Variants in OCA2 observed in about 807,000 individuals in gnomAD.
OCA2 encodes the protein P protein.
In OCA2, 77 loss-of-function variants were observed where a neutral mutation model predicts 100.2. The ratio of observed to expected loss-of-function variants is 0.77; its 90% CI spans 0.64 to 0.93. OCA2 has a LOEUF of 0.93. Ranked by LOEUF, OCA2 falls within the 40% of genes least tolerant of loss-of-function variation. The pLI is 0.00. For missense variants in OCA2, 1,062 were observed against 1,089.1 expected (o/e 0.98, Z 0.35); for synonymous variants, 432 against 439.2 (o/e 0.98, Z 0.21).
At chr15:27,782,496 G>A (rs2032595076) in intron 23 of OCA2, among the ~76,000 whole-genome samples, 1 of 152,184 alleles carries the variant, frequency 6.6e-6, no homozygotes, top group African/African-American at 2.4e-5. Flanking sequence ...CACATAAAAG[G>A]TGACATTTCT....
chr15:28,091,765 G>T (rs928333069), intron 1 of OCA2, among the ~76,000 whole-genome samples: 2 of 152,118 alleles, frequency 1.3e-5, no homozygotes, highest in Non-Finnish European at 2.9e-5. Context: ...AGACCAGCCT[G>T]GCCAACACGG....
Position 28,066,566 on chromosome 15 carries a change from T to C in OCA2, c.227+15082A>G, listed in dbSNP as rs550826875. On this transcript the variant is annotated intron_variant, in intron 2 of 23. Transcript: ENST00000354638. ...ATACCAAATTCCAACCTCACCCTAA[T>C]ATAGCATCACATGACAGACAGCAGA... 3.9e-5 allele frequency among the ~76,000 whole-genome samples: 6 copies of C among 152,278 alleles called. No individual in the cohort carries two copies. The South Asian group carries it at 1.2e-3, about 32-fold the overall frequency.
intron 19 of OCA2, among the ~76,000 whole-genome samples, chr15:27,922,497 A>G (rs2038893631): frequency 6.6e-6 from 1 of 152,198 alleles, no homozygotes; most frequent in Admixed American, 6.5e-5. Flanking sequence ...CTGCATCTTT[A>G]CATTTGTTTA....
At chr15:27,895,089 G>A (rs960093419) in intron 19 of OCA2, among the ~76,000 whole-genome samples, 10 of 152,174 alleles carry the variant, frequency 6.6e-5, no homozygotes, top group African/African-American at 2.4e-4. Flanking sequence ...GTCTTCTGTA[G>A]GCAATGTAAC....
At chr15:27,982,557 C>T (rs2041203003) in intron 14 of OCA2, among the ~76,000 whole-genome samples, 1 of 152,214 alleles carries the variant, frequency 6.6e-6, no homozygotes, top group Admixed American at 6.5e-5. Flanking sequence ...CTCTGGAGCG[C>T]ACTGCTTCCA....
chr15:27,788,421 C>T (rs1300410118), intron 23 of OCA2, among the ~76,000 whole-genome samples: 2 of 152,080 alleles, frequency 1.3e-5, no homozygotes, highest in East Asian at 1.9e-4. Flanking sequence ...GATTTATTGA[C>T]CCTGATAAAA....
rs1190699195 is a variant in OCA2 at position 28,043,305 on chromosome 15, GTGGTAGGGTA to G, written c.228-11152_228-11143del. Reference sequence around the variant, plus strand: ...TACAATTCAACAGAGAGACGGAGAGGTGGTAGGGTAGTGCCTGAGCCCAGTGAGACACAAG... The same window carrying G: ...TACAATTCAACAGAGAGACGGAGAGGGTGCCTGAGCCCAGTGAGACACAAG... On this transcript the variant is annotated intron_variant, in intron 2 of 23. Coordinates refer to ENST00000354638, the MANE Select transcript of OCA2 (RefSeq NM_000275.3). This position sits in a 1 kb window ranked among gnomAD's most constrained non-coding sequence, Gnocchi z 4.4. 6.6e-6 allele frequency among the ~76,000 whole-genome samples: 1 copy of G among 152,186 alleles called. No individual in the cohort carries two copies. Among genetic ancestry groups the G allele is most frequent in the Non-Finnish European group, 1.5e-5 (1 of 68,032 alleles).
chr15:27,849,591 T>C (rs889526842), intron 22 of OCA2, among the ~76,000 whole-genome samples: 2 of 151,988 alleles, frequency 1.3e-5, no homozygotes, highest in Non-Finnish European at 2.9e-5. Context: ...CTCCAATTTA[T>C]AGAGCAAATG....
intron 3 of OCA2, among the ~76,000 whole-genome samples, chr15:28,028,869 A>G (rs1376164946): frequency 6.6e-6 from 1 of 152,130 alleles, no homozygotes; most frequent in Non-Finnish European, 1.5e-5. Context: ...TATTTTTAGT[A>G]GAGATGGGGT....
chr15:27,985,089 G>C lies in OCA2; in HGVS notation c.1339C>G (p.Leu447Val). ...SAFLDNVTTMLLFTPVTIRLC... is the reference protein window; with the variant it reads ...SAFLDNVTTMVLFTPVTIRLC... ...CTTATGGTCACAGGCGTGAAGAGGA[G>C]CATGGTGGTGACGTTGTCCAAGAAG... The change falls in exon 13 of 24, where the codon CTC (leucine) becomes GTC (valine). Residue 447 changes from leucine to valine, a missense_variant. Coordinates refer to ENST00000354638, the MANE Select transcript of OCA2 (RefSeq NM_000275.3). The C allele has an allele frequency of 6.2e-7, 1 of 1,614,014 alleles. No homozygotes were observed. Among genetic ancestry groups the C allele is most frequent in the Non-Finnish European group, 8.5e-7 (1 of 1,179,946 alleles).
intron 23 of OCA2, among the ~76,000 whole-genome samples, chr15:27,809,500 G>C (rs1264668575): frequency 6.6e-6 from 1 of 152,136 alleles, no homozygotes; most frequent in Admixed American, 6.5e-5. Context: ...CTATTCAACA[G>C]TATTGGAAGT....
rs1595414928 is a variant in OCA2, at chr15:27,790,835, CTG to C, written c.2433-35365_2433-35364del. Among the ~76,000 whole-genome samples the C allele has an allele frequency of 4.0e-5, 6 of 148,842 alleles. No homozygotes were observed. The East Asian group carries it at 7.8e-4, about 19-fold the overall frequency. Reference sequence around the variant, plus strand: ...AGGGCAACTTGCTCTGTTGCCCAGGCTGAAGTATAGTGGCACAATCATAGCTC... The same window carrying C: ...AGGGCAACTTGCTCTGTTGCCCAGGCAAGTATAGTGGCACAATCATAGCTC... On this transcript the variant is annotated intron_variant, in intron 23 of 23. Transcript: ENST00000354638.
chr15:28,010,598 A>G (rs1045549664), intron 9 of OCA2, among the ~76,000 whole-genome samples: 1 of 152,232 alleles, frequency 6.6e-6, no homozygotes, highest in African/African-American at 2.4e-5. Context: ...AAAACTCAGT[A>G]CCATTTACAA....
intron 18 of OCA2, among the ~76,000 whole-genome samples, chr15:27,931,342 T>G (rs2039243137): frequency 6.6e-6 from 1 of 152,210 alleles, no homozygotes; most frequent in Non-Finnish European, 1.5e-5. Context: ...TTTTTCTTTT[T>G]AATTTTTTTG....
intron 23 of OCA2, among the ~76,000 whole-genome samples, chr15:27,804,564 C>T (rs1203864967): frequency 6.6e-6 from 1 of 152,122 alleles, no homozygotes; most frequent in African/African-American, 2.4e-5. Flanking sequence ...TTTTTGTTTT[C>T]ATTATTTACA....
At chr15:28,038,870 G>A (rs1484236542) in intron 2 of OCA2, among the ~76,000 whole-genome samples, 1 of 152,268 alleles carries the variant, frequency 6.6e-6, no homozygotes, top group East Asian at 1.9e-4. Context: ...GCAAAGAGTG[G>A]CAGAATGGAT....
chr15:27,892,746 A>G (rs1188696298), intron 19 of OCA2, among the ~76,000 whole-genome samples: 1 of 152,198 alleles, frequency 6.6e-6, no homozygotes, highest in Non-Finnish European at 1.5e-5. Flanking sequence ...ATAGGACAAT[A>G]CTAATGAAAA....
At chr15:27,806,946 G>A (rs2033879296) in intron 23 of OCA2, among the ~76,000 whole-genome samples, 1 of 152,134 alleles carries the variant, frequency 6.6e-6, no homozygotes, top group South Asian at 2.1e-4. Flanking sequence ...GGCATGGCCT[G>A]AGCCAGACCT....
chr15:27,857,168 T>A (rs533735857), intron 21 of OCA2, among the ~76,000 whole-genome samples: 19 of 152,278 alleles, frequency 1.2e-4, no homozygotes, highest in African/African-American at 3.9e-4. Context: ...ACAGACAGAA[T>A]TTAAATATCA....
Sources: allele counts gnomAD v4.1 joint callset (sites outside exome capture counted in the v4.1 genomes callset), GRCh38; gene constraint gnomAD v4.1.1; non-coding constraint Gnocchi (gnomAD v3.1); transcripts MANE v1.5; gene names NCBI Gene and HGNC (gene_info 2026-07-23, HGNC 2026-07-21).